The following TOX variants were observed in gnomAD, a reference collection of about 807,000 sequenced individuals.
TOX encodes the protein thymocyte selection associated high mobility group box.
In TOX, 11 loss-of-function variants were observed where a neutral mutation model predicts 53.7. The observed-to-expected ratio is 0.20, with a 90% CI of 0.13 to 0.34. TOX has a LOEUF of 0.34. Ranked by LOEUF, TOX falls within the 10% of genes least tolerant of loss-of-function variation. The pLI is 1.00. For synonymous variants in TOX, 225 were observed against 245.3 expected, an observed-to-expected ratio of 0.92 and a Z score of 0.77; for missense variants, 570 against 664.6, an observed-to-expected ratio of 0.86 and a Z score of 1.56.
chr8:58,997,779 G>C (rs545602035), intron 1 of TOX, among the ~76,000 whole-genome samples: 1 of 152,164 alleles, frequency 6.6e-6, no homozygotes, highest in East Asian at 1.9e-4. Context: ...TTTGGAAACC[G>C]CTTTTTGTTT....
chr8:59,010,179 C>A (rs1813875594), intron 1 of TOX, among the ~76,000 whole-genome samples: 1 of 152,136 alleles, frequency 6.6e-6, no homozygotes, highest in Non-Finnish European at 1.5e-5. Context: ...TACTTAAAAT[C>A]TGGAAGCCTG....
intron 3 of TOX, among the ~76,000 whole-genome samples, chr8:58,902,946 T>C (rs1811754381): frequency 1.3e-5 from 2 of 152,232 alleles, no homozygotes; most frequent in African/African-American, 2.4e-5. Context: ...AGCCTTAGAA[T>C]GACTTTGTAC....
intron 6 of TOX, among the ~76,000 whole-genome samples, chr8:58,818,744 A>G (rs1368633547): frequency 6.6e-6 from 1 of 152,166 alleles, no homozygotes; most frequent in African/African-American, 2.4e-5. Flanking sequence ...ACAGAGTATT[A>G]GATTGACCTT....
intron 3 of TOX, among the ~76,000 whole-genome samples, chr8:58,932,865 T>C (rs1812280018): frequency 6.6e-6 from 1 of 152,172 alleles, no homozygotes; most frequent in Non-Finnish European, 1.5e-5. Context: ...AAGTGTACCA[T>C]GACTGAATGC....
intron 1 of TOX, among the ~76,000 whole-genome samples, chr8:59,070,441 A>G (rs1365318484): frequency 6.6e-6 from 1 of 151,694 alleles, no homozygotes; most frequent in Non-Finnish European, 1.5e-5. Context: ...AAGGATCAGC[A>G]TTAATGAACT....
chr8:58,998,523 AT>A (rs1234229300), intron 1 of TOX, among the ~76,000 whole-genome samples: 1,142 of 44,878 alleles, frequency 0.025, 18 homozygotes, highest in Non-Finnish European at 0.049. Flanking sequence ...ATATATATAT[AT>A]ATATATATAT....
intron 1 of TOX, among the ~76,000 whole-genome samples, chr8:59,023,615 C>T (rs998660806): frequency 6.6e-6 from 1 of 152,154 alleles, no homozygotes; most frequent in Admixed American, 6.5e-5. Context: ...TGGAAGGTCA[C>T]TAAGATTTAC....
chr8:58,861,310 T>A (rs1811005871), intron 3 of TOX, among the ~76,000 whole-genome samples: 1 of 152,190 alleles, frequency 6.6e-6, no homozygotes, highest in East Asian at 1.9e-4. Context: ...CCAAAACATC[T>A]GAATTAGCAG....
intron 3 of TOX, among the ~76,000 whole-genome samples, chr8:58,936,855 A>G (rs1362334665): frequency 2.0e-5 from 3 of 152,198 alleles, no homozygotes; most frequent in Non-Finnish European, 4.4e-5. Flanking sequence ...ACTCTCTAAC[A>G]CAGTAGCTGC....
intron 3 of TOX, among the ~76,000 whole-genome samples, chr8:58,905,963 T>C (rs1209270832): frequency 6.6e-6 from 1 of 152,192 alleles, no homozygotes; most frequent in Non-Finnish European, 1.5e-5. Flanking sequence ...TCCTTTTAAT[T>C]ACTGTCAAAT....
rs549406866 is a variant in TOX at position 58,892,654 on chromosome 8, A to G, written c.412-40849T>C. Among the ~76,000 whole-genome samples, 45 of 152,350 alleles carry G rather than the reference A, an allele frequency of 3.0e-4. 1 individual carries two copies. The South Asian group carries it at 3.5e-3, about 12-fold the overall frequency. The stretch of plus-strand genomic sequence containing the variant: ...ATATGTAAAATCACACATACCGGGT[A>G]AAGTTGAGTCACATGCAGCCTGTGC... On this transcript the variant is annotated intron_variant, in intron 3 of 8. Coordinates refer to ENST00000361421, the MANE Select transcript of TOX (RefSeq NM_014729.3).
intron 1 of TOX, among the ~76,000 whole-genome samples, chr8:59,082,667 C>T (rs552560880): frequency 6.6e-6 from 1 of 152,200 alleles, no homozygotes; most frequent in East Asian, 1.9e-4. Context: ...TGAGGGACCC[C>T]CATGTACCAT....
intron 1 of TOX, among the ~76,000 whole-genome samples, chr8:59,014,454 G>C (rs1167462248): frequency 6.6e-6 from 1 of 152,186 alleles, no homozygotes; most frequent in Admixed American, 6.5e-5. Flanking sequence ...CAAGTCCCTG[G>C]AAGGGAGGAG....
chr8:59,017,173 G>T (rs991822465), intron 1 of TOX, among the ~76,000 whole-genome samples: 1 of 152,316 alleles, frequency 6.6e-6, no homozygotes, highest in Admixed American at 6.5e-5. Flanking sequence ...CTAACATTCC[G>T]CAAGTAGACC....
chr8:59,083,180 A>C (rs1053639168), intron 1 of TOX, among the ~76,000 whole-genome samples: 4 of 152,250 alleles, frequency 2.6e-5, no homozygotes, highest in African/African-American at 7.2e-5. Context: ...CAGAGGAAAA[A>C]AGAGAAAGTG....
intron 1 of TOX, among the ~76,000 whole-genome samples, chr8:59,048,419 C>T (rs1461069207): frequency 6.6e-6 from 1 of 152,108 alleles, no homozygotes; most frequent in Non-Finnish European, 1.5e-5. Context: ...ATAGATAATT[C>T]CCCCTTTTTT....
At chr8:58,967,199 G>C (rs1350962593) in intron 1 of TOX, among the ~76,000 whole-genome samples, 1 of 152,134 alleles carries the variant, frequency 6.6e-6, no homozygotes, top group Non-Finnish European at 1.5e-5. Context: ...CTAGTATTAA[G>C]TAGTCACTTA....
chr8:59,001,238 T>C (rs1165106217), intron 1 of TOX, among the ~76,000 whole-genome samples: 1 of 152,214 alleles, frequency 6.6e-6, no homozygotes, highest in East Asian at 1.9e-4. Context: ...TTTTCAGATA[T>C]AGATTATGAT....
chr8:59,061,616 C>A (rs16924527), intron 1 of TOX, among the ~76,000 whole-genome samples: 3,124 of 152,176 alleles, frequency 0.021, 45 homozygotes, highest in African/African-American at 0.04. Flanking sequence ...CTGTAAAGAT[C>A]CTTAACCAGT....
Sources: gnomAD v4.1 joint callset for allele counts (sites outside exome capture counted in the v4.1 genomes callset) on GRCh38, gnomAD v4.1.1 for gene constraint, MANE v1.5 for transcripts, NCBI Gene and HGNC (gene_info 2026-07-23, HGNC 2026-07-21) for gene names.